Variants in ASS1 observed in about 807,000 individuals in gnomAD.
The protein encoded by ASS1 is argininosuccinate synthase 1.
In ASS1, 58 loss-of-function variants were observed where a neutral mutation model predicts 60.5. The ratio of observed to expected loss-of-function variants is 0.96; its 90% confidence interval spans 0.78 to 1.19. The LOEUF (loss-of-function observed/expected upper bound fraction) is 1.19, where lower values mean the gene tolerates loss of function less well. Among genes scored for constraint, ASS1 ranks in the 50% most tolerant of loss-of-function variants. The probability of loss-of-function intolerance (pLI) is 0.00; values close to 1 mark genes in which losing one functional copy is unlikely to be tolerated. For missense variants in ASS1, 454 were observed against 547.3 expected (o/e 0.83, Z 1.70); for synonymous variants, 200 against 206.9 (o/e 0.97, Z 0.29).
In ASS1 at chr9:130,478,870, G is replaced by C. The variant is rs1846089294; in HGVS notation, c.689-846G>C. ...GCCTTGAGTGAAGCCCCTCCAAGCGGCGCCTGGCTAATAAAGCCTCGAAAG... is the reference window on the plus strand; with the variant it reads ...GCCTTGAGTGAAGCCCCTCCAAGCGCCGCCTGGCTAATAAAGCCTCGAAAG... On this transcript the variant is annotated intron_variant, in intron 9 of 14. Transcript: ENST00000352480. This position sits in a 1 kb window ranked among gnomAD's most constrained non-coding sequence, Gnocchi z 4.7. Among the ~76,000 whole-genome samples the C allele has an allele frequency of 6.6e-6, 1 of 152,192 alleles. No individual in the cohort carries two copies. Among genetic ancestry groups the C allele is most frequent in the Non-Finnish European group, 1.5e-5 (1 of 68,042 alleles).
rs914306961 is a variant in ASS1 at position 130,480,562 on chromosome 9, G to A, written c.838+113G>A. ...ACCCCCATGCTCCGTGGGCGACCTT[G>A]GGCACGTCCTTTCACCACACCCCGT... On this transcript the variant is annotated intron_variant, in intron 11 of 14. Transcript: ENST00000352480. The A allele has an allele frequency of 1.1e-4, 132 of 1,179,634 alleles. No individual in the cohort carries two copies. The Middle Eastern group carries it at 2.7e-3, about 24-fold the overall frequency. The allele number at this position is 1,179,634 out of a possible 1,614,324, so 73.1% of individuals were successfully genotyped here.
In ASS1 at chr9:130,480,267, C is replaced by T. The variant is rs552415882; in HGVS notation, c.774-118C>T. On this transcript the variant is annotated intron_variant, in intron 10 of 14. Coordinates refer to ENST00000352480, the MANE Select transcript of ASS1 (RefSeq NM_054012.4). Reference sequence around the variant, plus strand: ...TCAGATGTCCTCTTGAGTCTTAGATCCTGAAATGCTGCCTAATGTGTGGCC... The same window carrying T: ...TCAGATGTCCTCTTGAGTCTTAGATTCTGAAATGCTGCCTAATGTGTGGCC... The T allele has an allele frequency of 1.2e-5, 14 of 1,127,448 alleles. No homozygotes were observed. In the African/African-American group the frequency reaches 2.0e-4, roughly 16 times the overall value. The allele number at this position is 1,127,448 out of a possible 1,614,324, so 69.8% of individuals were successfully genotyped here. A position where few individuals can be genotyped will look rare whatever the true frequency, so the allele number is the denominator to read the frequency against.
chr9:130,466,982 G>A (rs533359071), intron 6 of ASS1, among the ~76,000 whole-genome samples, 183 bp downstream of exon 6: 24 of 152,242 alleles, frequency 1.6e-4, no homozygotes, highest in Non-Finnish European at 2.8e-4. Flanking sequence ...ACCCCACAGA[G>A]GTGTGGTCAT....
At chr9:130,463,322 G>A (rs994165716) in intron 4 of ASS1, among the ~76,000 whole-genome samples, 13 of 152,222 alleles carry the variant, frequency 8.5e-5, no homozygotes, top group Non-Finnish European at 1.3e-4. Flanking sequence ...CGCTGACCCC[G>A]GCCTCCTCCT....
chr9:130,496,884 C>G (rs1190605593), intron 13 of ASS1, among the ~76,000 whole-genome samples: 1 of 152,230 alleles, frequency 6.6e-6, no homozygotes, highest in African/African-American at 2.4e-5. Flanking sequence ...CCCCTAAGGC[C>G]CAGCTTAGCT....
Position 130,477,795 on chromosome 9 carries a change from G to A in ASS1, c.688+834G>A, listed in dbSNP as rs993541057. ...GCACAGGGGCACCCAAGGACCAGGC[G>A]GGGGGCTGGCCCATTCGTCCACAAA... On this transcript the variant is annotated intron_variant, in intron 9 of 14. Coordinates refer to ENST00000352480, the MANE Select transcript of ASS1 (RefSeq NM_054012.4). The surrounding 1 kb of genome is among the most constrained non-coding windows in gnomAD (Gnocchi z 4.2). Among the ~76,000 whole-genome samples the A allele has an allele frequency of 6.6e-5, 10 of 152,164 alleles. No individual in the cohort carries two copies. Among genetic ancestry groups the A allele is most frequent in the African/African-American group, 1.7e-4 (7 of 41,446 alleles).
chr9:130,454,230 G>A (rs1588472409), intron 2 of ASS1, 75 bp from the exon 3 acceptor site: 1 of 1,444,932 alleles, frequency 6.9e-7, no homozygotes, highest in Non-Finnish European at 9.6e-7. Flanking sequence ...GGGGTGGGAG[G>A]CTGCTGCATG....
intron 1 of ASS1, among the ~76,000 whole-genome samples, chr9:130,448,701 C>T (rs929790057): frequency 2.0e-5 from 3 of 152,126 alleles, no homozygotes; most frequent in Non-Finnish European, 4.4e-5. Flanking sequence ...GTAGCTGGGA[C>T]TACAGGTGTG....
chr9:130,454,445 G>A, intron 3 of ASS1, 72 bp downstream of exon 3: 2 of 1,467,806 alleles, frequency 1.4e-6, no homozygotes, highest in Non-Finnish European at 1.9e-6. Context: ...GGATGCTCCT[G>A]CCCCAGGGAT....
chr9:130,478,762 G>C lies in ASS1; in HGVS notation c.689-954G>C, dbSNP rs1376980769. ...TGAGAGGGGCTTAAGGTTCATTATT[G>C]GGCAGACTTACATTTAATAGCAATT... is the stretch of plus-strand genomic sequence containing the variant. On this transcript the variant is annotated intron_variant, in intron 9 of 14. Coordinates refer to ENST00000352480, the MANE Select transcript of ASS1 (RefSeq NM_054012.4). The surrounding 1 kb of genome is among the most constrained non-coding windows in gnomAD (Gnocchi z 4.7). Among the ~76,000 whole-genome samples the C allele has an allele frequency of 6.6e-6, 1 of 152,104 alleles. No individual in the cohort carries two copies. The highest frequency in any genetic ancestry group is 2.4e-5 in the African/African-American group (1 of 41,408).
chr9:130,474,786 T>C (rs951019537), intron 8 of ASS1, among the ~76,000 whole-genome samples: 1 of 152,180 alleles, frequency 6.6e-6, no homozygotes, highest in African/African-American at 2.4e-5. Context: ...CAGCATAAGG[T>C]GGCGGAAAGA....
chr9:130,468,110 C>T (rs1183435401), intron 6 of ASS1, among the ~76,000 whole-genome samples: 1 of 152,194 alleles, frequency 6.6e-6, no homozygotes, highest in Non-Finnish European at 1.5e-5. Context: ...TGTGGGGAAT[C>T]TGAGCACGTT....
chr9:130,475,772 T>TG (rs71499244), intron 8 of ASS1, among the ~76,000 whole-genome samples: 1 of 72,174 alleles, frequency 1.4e-5, no homozygotes, highest in Non-Finnish European at 3.0e-5. Context: ...GGTGGGGGGG[T>TG]GGGGGACGGA....
rs1845510942 is a variant in ASS1, at chr9:130,458,705, G to A, written c.363+116G>A. 12 of 1,387,654 alleles carry A rather than the reference G, an allele frequency of 8.6e-6. No homozygotes were observed. The South Asian group carries it at 1.2e-4, about 14-fold the overall frequency. The allele number at this position is 1,387,654 out of a possible 1,614,324, so 86.0% of individuals were successfully genotyped here. On this transcript the variant is annotated intron_variant, in intron 4 of 14. Transcript: ENST00000352480. ...GCCTCCGGGGCAGACTTGGTGCAAG[G>A]CAGCTACATGGCTTTGTTTAGACCC... is the stretch of plus-strand genomic sequence containing the variant.
intron 6 of ASS1, among the ~76,000 whole-genome samples, chr9:130,467,278 C>G (rs529661718): frequency 6.6e-6 from 1 of 152,316 alleles, no homozygotes; most frequent in African/African-American, 2.4e-5. Context: ...AAGGGACAGT[C>G]GCAGACAAAG....
intron 4 of ASS1, among the ~76,000 whole-genome samples, chr9:130,461,037 C>A (rs1388897661): frequency 6.6e-6 from 1 of 152,056 alleles, no homozygotes; most frequent in Admixed American, 6.5e-5. Context: ...AAAAAGCTCC[C>A]GACCCATCTG....
intron 13 of ASS1, among the ~76,000 whole-genome samples, chr9:130,496,667 G>A (rs915740169): frequency 6.6e-6 from 1 of 152,016 alleles, no homozygotes; most frequent in South Asian, 2.1e-4. Context: ...CCAGGCAGAA[G>A]GTGGCCAAGG....
chr9:130,467,622 C>T (rs1366830338), intron 6 of ASS1, among the ~76,000 whole-genome samples: 3 of 152,296 alleles, frequency 2.0e-5, no homozygotes, highest in Admixed American at 6.5e-5. Flanking sequence ...GGAAGACCTT[C>T]TCCACCATCT....
intron 8 of ASS1, among the ~76,000 whole-genome samples, chr9:130,475,077 G>A (rs1256403246): frequency 6.6e-6 from 1 of 152,226 alleles, no homozygotes; most frequent in Non-Finnish European, 1.5e-5. Flanking sequence ...GTTTGCCCAG[G>A]ACTAAGAGGT....
Sources: allele counts gnomAD v4.1 joint callset (sites outside exome capture counted in the v4.1 genomes callset), GRCh38; gene constraint gnomAD v4.1.1; non-coding constraint Gnocchi (gnomAD v3.1); transcripts MANE v1.5; gene names NCBI Gene and HGNC (gene_info 2026-07-23, HGNC 2026-07-21).